Variants in PRRC2C observed in about 807,000 individuals in gnomAD.
PRRC2C encodes the protein protein PRRC2C.
Under a neutral mutation model 317.2 loss-of-function variants are expected in PRRC2C, and 72 were observed. That is an observed-to-expected ratio of 0.23 (90% CI 0.19 to 0.28). The LOEUF (loss-of-function observed/expected upper bound fraction) is 0.28. Ranked by LOEUF, PRRC2C falls within the 10% of genes least tolerant of loss-of-function variation. The pLI is 1.00. For missense variants in PRRC2C, 3,074 were observed against 3,459.7 expected (o/e 0.89, Z 2.80); for synonymous variants, 1,296 against 1,205.9 (o/e 1.07, Z -1.55).
intron 6 of PRRC2C, among the ~76,000 whole-genome samples, chr1:171,519,724 G>A (rs1357967328): frequency 6.6e-6 from 1 of 152,060 alleles, no homozygotes; most frequent in Admixed American, 6.6e-5. Context: ...AAAAATCTAG[G>A]TCATATTTAT....
In PRRC2C at chr1:171,540,776, G is replaced by C; in HGVS notation, c.3310G>C (p.Asp1104His). Reference protein sequence around the residue: ...TATLAQKPSQDTEKPLEPVST... With the variant: ...TATLAQKPSQHTEKPLEPVST... ...AACTTTGGCTCAAAAACCATCTCAG[G>C]ATACTGAGAAGCCTCTGGAACCTGT... is the stretch of plus-strand genomic sequence containing the variant. Residue 1104 changes from aspartate to histidine, a missense_variant, in exon 16 of 35, where the codon GAT becomes CAT. Physicochemically the swap from Asp to His is moderately conservative, Grantham distance 81 (BLOSUM62 -1). This residue lies in a region of PRRC2C where 1,320 missense variants were observed against 1,395.7 expected (regional missense o/e 0.95). Coordinates refer to ENST00000647382, the MANE Select transcript of PRRC2C (RefSeq NM_001387844.1). 6.2e-7 allele frequency: 1 copy of C among 1,613,830 alleles called. No individual in the cohort carries two copies. Among genetic ancestry groups the C allele is most frequent in the Non-Finnish European group, 8.5e-7 (1 of 1,179,770 alleles).
intron 16 of PRRC2C, among the ~76,000 whole-genome samples, chr1:171,544,547 G>A (rs1290572461): frequency 6.6e-6 from 1 of 152,098 alleles, no homozygotes; most frequent in African/African-American, 2.4e-5. Flanking sequence ...AGAGAATCAG[G>A]ATAACCAAAA....
intron 25 of PRRC2C, among the ~76,000 whole-genome samples, chr1:171,575,916 C>G (rs1685621981): frequency 6.6e-6 from 1 of 152,136 alleles, no homozygotes; most frequent in East Asian, 1.9e-4. Flanking sequence ...TTGACTGGTT[C>G]TCATTCAATA....
intron 17 of PRRC2C, among the ~76,000 whole-genome samples, chr1:171,549,715 C>T: frequency 6.6e-6 from 1 of 152,022 alleles, no homozygotes; most frequent in East Asian, 1.9e-4. Flanking sequence ...GTATATACCA[C>T]CACACACATC....
chr1:171,530,243 C>CTTTTTTTT (rs778215422), intron 11 of PRRC2C, among the ~76,000 whole-genome samples: 4 of 63,286 alleles, frequency 6.3e-5, no homozygotes, highest in Admixed American at 2.1e-4. Flanking sequence ...TGTAGCTGGG[C>CTTTTTTTT]TTTTTTTTTT....
chr1:171,584,014 A>G lies in PRRC2C; in HGVS notation c.7468A>G (p.Thr2490Ala), dbSNP rs369562802. 29 of 1,613,902 alleles carry G rather than the reference A, an allele frequency of 1.8e-5. No individual in the cohort carries two copies. The highest frequency in any genetic ancestry group is 1.6e-4 in the Middle Eastern group (1 of 6,082). ...LSQPSVVLSG[T>A]AIHNFPTVQH... is the part of the protein sequence containing the mutation. ...CCAGCCATCTGTGGTCCTTTCTGGTACTGCTATTCACAACTTTCCAACTGT... is the reference window on the plus strand; with the variant it reads ...CCAGCCATCTGTGGTCCTTTCTGGTGCTGCTATTCACAACTTTCCAACTGT... The change falls in exon 29 of 35, where the codon ACT (threonine) becomes GCT (alanine). Residue 2490 changes from threonine to alanine, a missense_variant. Transcript: ENST00000647382.
At chr1:171,567,612 C>T (rs1383560354) in intron 22 of PRRC2C, among the ~76,000 whole-genome samples, 1 of 152,118 alleles carries the variant, frequency 6.6e-6, no homozygotes, top group African/African-American at 2.4e-5. Flanking sequence ...GTAATTGCAA[C>T]AACTAAGATC....
In PRRC2C at chr1:171,541,874, C is replaced by T; in HGVS notation, c.4408C>T (p.Pro1470Ser). ...CACAGTTAATAATGTGGCTCAAGAACCAGTTAATACTCTTGGGGATATTTC... is the reference window on the plus strand; with the variant it reads ...CACAGTTAATAATGTGGCTCAAGAATCAGTTAATACTCTTGGGGATATTTC... ...NGTVNNVAQE[P>S]VNTLGDISGN... is the part of the protein sequence containing the mutation. The change falls in exon 16 of 35, where the codon CCA becomes TCA. Residue 1470 changes from proline (P) to serine (S), a missense_variant. This residue lies in a region of PRRC2C where 1,320 missense variants were observed against 1,395.7 expected (regional missense o/e 0.95). Coordinates refer to ENST00000647382, the MANE Select transcript of PRRC2C (RefSeq NM_001387844.1). This position sits in a 1 kb window ranked among gnomAD's most constrained non-coding sequence, Gnocchi z 4.1. 1 of 1,613,738 alleles carries T rather than the reference C, an allele frequency of 6.2e-7. No homozygotes were observed.
At chr1:171,507,951 T>G (rs1267036601) in intron 1 of PRRC2C, among the ~76,000 whole-genome samples, 1 of 152,216 alleles carries the variant, frequency 6.6e-6, no homozygotes, top group African/African-American at 2.4e-5. Flanking sequence ...TCATCTAGGT[T>G]GTTATTTGTG....
chr1:171,556,240 G>A (rs906632571), intron 18 of PRRC2C, among the ~76,000 whole-genome samples: 1 of 152,242 alleles, frequency 6.6e-6, no homozygotes, highest in Non-Finnish European at 1.5e-5. Context: ...CCAGGCGTGG[G>A]ATATAATCTC....
At chr1:171,498,355 A>G (rs1216173284) in intron 1 of PRRC2C, among the ~76,000 whole-genome samples, 2 of 152,166 alleles carry the variant, frequency 1.3e-5, no homozygotes, top group African/African-American at 4.8e-5. Flanking sequence ...CTCCGCCTCC[A>G]AGATGGCACC....
intron 26 of PRRC2C, 141 bp downstream of exon 26, chr1:171,577,778 T>TAA (rs1647387131): frequency 3.0e-5 from 23 of 761,998 alleles, no homozygotes; most frequent in Admixed American, 6.4e-5. Context: ...CGCATTTTTT[T>TAA]TTTTTTTTTT....
At position 171,567,041 on chromosome 1, in the gene PRRC2C, G is replaced by A. The variant is rs1683795039; in HGVS notation, c.6558+198G>A. ...TTTATAGCAAATTATATTTCTTTTT[G>A]AGGAAATTTACTCTGAATTCTGGAC... On this transcript the variant is annotated intron_variant, in intron 22 of 34. Coordinates refer to ENST00000647382, the MANE Select transcript of PRRC2C (RefSeq NM_001387844.1). Among the ~76,000 whole-genome samples the A allele has an allele frequency of 2.0e-5, 3 of 151,936 alleles. 1 individual carries two copies. In the South Asian group the frequency reaches 6.2e-4, roughly 31 times the overall value.
At chr1:171,583,836 T>G in intron 28 of PRRC2C, 120 bp from the exon 29 acceptor site, 2 of 803,034 alleles carry the variant, frequency 2.5e-6, no homozygotes, top group Admixed American at 5.3e-5. Context: ...GGTCTGTTGT[T>G]GACTAAAATG....
At chr1:171,524,487 T>G (rs1357437349) in intron 9 of PRRC2C, among the ~76,000 whole-genome samples, 1 of 152,192 alleles carries the variant, frequency 6.6e-6, no homozygotes, top group African/African-American at 2.4e-5. Context: ...CAGAATAAAT[T>G]AGAATGCAGT....
chr1:171,500,471 T>C (rs1390176956), intron 1 of PRRC2C, among the ~76,000 whole-genome samples: 1 of 152,130 alleles, frequency 6.6e-6, no homozygotes, highest in African/African-American at 2.4e-5. Context: ...CAATCATAGC[T>C]CACTGCAGCC....
Position 171,537,431 on chromosome 1 carries a change from A to T in PRRC2C, c.2462A>T (p.Gln821Leu), listed in dbSNP as rs1014364056. 1 of 1,585,162 alleles carries T rather than the reference A, an allele frequency of 6.3e-7. No homozygotes were observed. Among genetic ancestry groups the T allele is most frequent in the African/African-American group, 1.3e-5 (1 of 74,470 alleles). The change falls in exon 15 of 35, where the codon CAA (glutamine) becomes CTA (leucine). Residue 821 changes from glutamine (Q) to leucine (L), a missense_variant. By Grantham distance (113) the Gln-to-Leu change is moderately radical. Transcript: ENST00000647382. Reference protein sequence around the residue: ...SDPYPHAEPQQATTPKATEEP... With the variant: ...SDPYPHAEPQLATTPKATEEP... ...CCCTATCCTCATGCTGAGCCTCAAC[A>T]AGCAACTACTCCCAAAGCAACAGAA... is the stretch of plus-strand genomic sequence containing the variant.
At chr1:171,578,343 A>G (rs1026978415) in intron 26 of PRRC2C, among the ~76,000 whole-genome samples, 5 of 151,912 alleles carry the variant, frequency 3.3e-5, no homozygotes, top group African/African-American at 1.2e-4. Context: ...ACTTGACCCT[A>G]GGAGTTCAAG....
rs1007312094 is a variant in PRRC2C at position 171,486,139 on chromosome 1, T to G, written c.-58+404T>G. Among the ~76,000 whole-genome samples the G allele has an allele frequency of 1.3e-3, 164 of 130,336 alleles. 1 individual carries two copies. Among genetic ancestry groups the G allele is most frequent in the Non-Finnish European group, 2.1e-3 (135 of 63,358 alleles). 85.5% of individuals were successfully genotyped at this position (130,336 alleles called of 152,430 possible). On this transcript the variant is annotated intron_variant, in intron 1 of 34. Coordinates refer to ENST00000647382, the MANE Select transcript of PRRC2C (RefSeq NM_001387844.1). ...TTTTTTTTTTTTTTTTAGTGTCGGG[T>G]ATGCGTTTCCCCAAACAACTGAAGG...
Sources: allele counts gnomAD v4.1 joint callset (sites outside exome capture counted in the v4.1 genomes callset), GRCh38; gene constraint gnomAD v4.1.1; regional missense constraint gnomAD v4.1.1; non-coding constraint Gnocchi (gnomAD v3.1); transcripts MANE v1.5; gene names NCBI Gene and HGNC (gene_info 2026-07-23, HGNC 2026-07-21).